ALDH4A1: variants seen among roughly 807,000 people sequenced by gnomAD.
ALDH4A1 encodes the protein delta-1-pyrroline-5-carboxylate dehydrogenase, mitochondrial.
ALDH4A1 carries 46 observed loss-of-function variants against 70.5 expected under a neutral mutation model. The observed-to-expected ratio is 0.65, with a 90% CI of 0.51 to 0.83. The LOEUF is 0.83. Among genes scored for constraint, ALDH4A1 ranks in the 40% least tolerant of loss-of-function variants. The pLI is 0.00. For missense variants in ALDH4A1, 749 were observed against 766.5 expected (o/e 0.98, Z 0.27); for synonymous variants, 323 against 324.3 (o/e 1.00, Z 0.04).
Position 18,900,654 on chromosome 1 carries a change from G to A in ALDH4A1, c.62+1808C>T, listed in dbSNP as rs1052336027. 3.9e-5 allele frequency among the ~76,000 whole-genome samples: 6 copies of A among 152,194 alleles called. No homozygotes were observed. The East Asian group carries it at 7.7e-4, about 20-fold the overall frequency. On this transcript the variant is annotated intron_variant, in intron 1 of 14. Coordinates refer to ENST00000375341, the MANE Select transcript of ALDH4A1 (RefSeq NM_003748.4). ...AGCCCCAAATGCGAATAGTGGTGAG[G>A]TTGAGAAATCCTGTCTAGGGCATGC...
At chr1:18,886,156 C>T (rs1935192682) in intron 4 of ALDH4A1, among the ~76,000 whole-genome samples, 1 of 152,210 alleles carries the variant, frequency 6.6e-6, no homozygotes, top group Admixed American at 6.5e-5. Flanking sequence ...TGCCCTGACT[C>T]AGCCTTCCAG....
At chr1:18,901,780 A>G (rs1032493673) in intron 1 of ALDH4A1, among the ~76,000 whole-genome samples, 13 of 152,180 alleles carry the variant, frequency 8.5e-5, no homozygotes, top group African/African-American at 3.1e-4. Context: ...GGCACTGTTC[A>G]GTGCACTCCC....
Position 18,881,992 on chromosome 1 carries a change from G to C in ALDH4A1, c.679-105C>G, listed in dbSNP as rs1934995151. The C allele has an allele frequency of 2.6e-6, 3 of 1,136,354 alleles. No homozygotes were observed. The South Asian group carries it at 4.0e-5, about 15-fold the overall frequency. 70.4% of individuals were successfully genotyped at this position (1,136,354 alleles called of 1,614,324 possible). On this transcript the variant is annotated intron_variant, in intron 7 of 14. Coordinates refer to ENST00000375341, the MANE Select transcript of ALDH4A1 (RefSeq NM_003748.4). ...GGTTGTCCCTCACCTGGAACCACCA[G>C]ACTCTGTGCCAACCAGGACATCCCC...
chr1:18,890,666 CAAGT>C (rs1935400754), intron 1 of ALDH4A1: 4 of 985,362 alleles, frequency 4.1e-6, no homozygotes, highest in Non-Finnish European at 4.8e-6. Context: ...CTACGTCTAT[CAAGT>C]AAGAATAATC....
chr1:18,879,495 G>A (rs1934876962), intron 8 of ALDH4A1, 122 bp from the exon 9 acceptor site: 1 of 845,300 alleles, frequency 1.2e-6, no homozygotes, highest in East Asian at 2.6e-5. Flanking sequence ...GTCGGGGATG[G>A]CGGCTGGGAA....
At chr1:18,885,431 A>G in intron 5 of ALDH4A1, 42 bp downstream of exon 5, 1 of 478,978 alleles carries the variant, frequency 2.1e-6, no homozygotes, top group Non-Finnish European at 3.5e-6. Flanking sequence ...CCTGACTCCC[A>G]CCCCACCCCG....
chr1:18,890,758 C>T (rs1464433136), intron 1 of ALDH4A1: 6 of 985,418 alleles, frequency 6.1e-6, no homozygotes, highest in Middle Eastern at 5.2e-4. Context: ...ACATGCAAAG[C>T]GTTACTCTCC....
intron 12 of ALDH4A1, 149 bp downstream of exon 12, chr1:18,876,166 A>G (rs2100555184): frequency 9.2e-7 from 1 of 1,085,244 alleles, no homozygotes; most frequent in Admixed American, 2.2e-5. Context: ...ACCTGGCTCT[A>G]CTCTCTCCCG....
Position 18,898,610 on chromosome 1 carries a change from C to CTCATGGACCATGGGCAGGACATGG in ALDH4A1, c.62+3851_62+3852insCCATGTCCTGCCCATGGTCCATGA. 6.6e-6 allele frequency among the ~76,000 whole-genome samples: 1 copy of CTCATGGACCATGGGCAGGACATGG among 152,196 alleles called. No homozygotes were observed. Among genetic ancestry groups the CTCATGGACCATGGGCAGGACATGG allele is most frequent in the Non-Finnish European group, 1.5e-5 (1 of 68,036 alleles). ...TTTCCATGTATGAGACCATTTAACA[C>CTCATGGACCATGGGCAGGACATGG]GCAGGACAATCCTATGAGGTGACTA... On this transcript the variant is annotated intron_variant, in intron 1 of 14. Coordinates refer to ENST00000375341, the MANE Select transcript of ALDH4A1 (RefSeq NM_003748.4). The surrounding 1 kb of genome is among the most constrained non-coding windows in gnomAD (Gnocchi z 4.3).
intron 3 of ALDH4A1, among the ~76,000 whole-genome samples, chr1:18,887,874 G>A (rs1935278787): frequency 6.6e-6 from 1 of 152,328 alleles, no homozygotes; most frequent in East Asian, 1.9e-4. Flanking sequence ...CTCTCTCTGT[G>A]TGTGTGTCTT....
At chr1:18,889,928 G>A in intron 2 of ALDH4A1, 84 bp downstream of exon 2, 1 of 1,183,950 alleles carries the variant, frequency 8.4e-7, no homozygotes, top group Non-Finnish European at 1.2e-6. Context: ...ATGGCTGCAG[G>A]CACGGGGCGC....
intron 7 of ALDH4A1, among the ~76,000 whole-genome samples, chr1:18,882,293 T>C (rs1433604681): frequency 6.6e-6 from 1 of 151,942 alleles, no homozygotes; most frequent in Non-Finnish European, 1.5e-5. Context: ...CGCCTGGCCA[T>C]GCACCGTGTT....
chr1:18,890,027 T>A lies in ALDH4A1; in HGVS notation c.141A>T (p.Arg47=). ...CTCCCATTACCTTTTGCAGGGCATC[T>A]CGCTCAGGGCTGCCCTGCGTGAAGG... The part of the protein sequence containing the change: ...VLAFTQGSPE[R]DALQKALKDL... The change falls in exon 2 of 15, where the codon CGA becomes CGT. Residue 47 remains arginine, a synonymous_variant. Coordinates refer to ENST00000375341, the MANE Select transcript of ALDH4A1 (RefSeq NM_003748.4). 1 of 1,610,434 alleles carries A rather than the reference T, an allele frequency of 6.2e-7. No individual in the cohort carries two copies. The highest frequency in any genetic ancestry group is 8.5e-7 in the Non-Finnish European group (1 of 1,178,496).
chr1:18,877,379 C>T lies in ALDH4A1; in HGVS notation c.1137+37G>A, dbSNP rs564431083. ...CCCAGGGACCCAATCCCATCAGCCC[C>T]CCGCTGGGCCGCGGCGGGGGTGACG... On this transcript the variant is annotated intron_variant, in intron 10 of 14. Coordinates refer to ENST00000375341, the MANE Select transcript of ALDH4A1 (RefSeq NM_003748.4). The T allele has an allele frequency of 2.2e-5, 34 of 1,552,692 alleles. No homozygotes were observed. The South Asian group carries it at 3.3e-4, about 15-fold the overall frequency.
intron 1 of ALDH4A1, among the ~76,000 whole-genome samples, chr1:18,892,721 C>G: frequency 6.6e-6 from 1 of 152,080 alleles, no homozygotes; most frequent in Non-Finnish European, 1.5e-5. Context: ...ACTCCCCACC[C>G]CCACTCTGCC....
intron 1 of ALDH4A1, chr1:18,890,572 TG>T (rs1935396838): frequency 3.4e-6 from 2 of 587,806 alleles, no homozygotes; most frequent in African/African-American, 4.1e-5. Context: ...AAACCCACCT[TG>T]GGGGTCCACA....
chr1:18,879,463 C>G, intron 8 of ALDH4A1, 90 bp from the exon 9 acceptor site: 1 of 1,199,138 alleles, frequency 8.3e-7, no homozygotes, highest in Admixed American at 2.0e-5. Context: ...CCGGGGGCAG[C>G]CCAGCAGGAG....
intron 8 of ALDH4A1, among the ~76,000 whole-genome samples, chr1:18,879,840 G>A (rs28441017): frequency 0.25 from 37,543 of 152,092 alleles, 5,093 homozygotes; most frequent in African/African-American, 0.3. Context: ...AGGCCAAACC[G>A]AGGAGAGTCC....
At position 18,872,825 on chromosome 1, in the gene ALDH4A1, C is replaced by A. The variant is rs951521710; in HGVS notation, c.*20G>T. 2.5e-6 allele frequency: 4 copies of A among 1,599,378 alleles called. No individual in the cohort carries two copies. The highest frequency in any genetic ancestry group is 2.7e-5 in the African/African-American group (2 of 74,620). ...CCACCTGGACGGACAGACAGCTGGA[C>A]GGTGGAGCCCGAGAGGGGCTCACTG... On this transcript the variant is annotated 3_prime_UTR_variant, in exon 15 of 15. Coordinates refer to ENST00000375341, the MANE Select transcript of ALDH4A1 (RefSeq NM_003748.4).
Sources: allele counts gnomAD v4.1 joint callset (sites outside exome capture counted in the v4.1 genomes callset), GRCh38; gene constraint gnomAD v4.1.1; non-coding constraint Gnocchi (gnomAD v3.1); transcripts MANE v1.5; gene names NCBI Gene and HGNC (gene_info 2026-07-23, HGNC 2026-07-21).